The following ATG10 variants were observed in gnomAD, a reference collection of about 807,000 sequenced individuals.
ATG10 encodes autophagy related 10.
A neutral mutation model predicts 32.1 loss-of-function variants in ATG10; 30 were observed. The ratio of observed to expected loss-of-function variants is 0.94; its 90% CI spans 0.70 to 1.27. The LOEUF (loss-of-function observed/expected upper bound fraction) is 1.27, where lower values mean the gene tolerates loss of function less well. ATG10 is among the 50% of genes most tolerant of loss of function. The pLI is 0.00. For missense variants in ATG10, 233 were observed against 262.3 expected (o/e 0.89, Z 0.77); for synonymous variants, 87 against 91.5 (o/e 0.95, Z 0.28).
chr5:82,141,628 A>T (rs1484130815), intron 3 of ATG10, among the ~76,000 whole-genome samples: 2 of 152,164 alleles, frequency 1.3e-5, no homozygotes, highest in Non-Finnish European at 2.9e-5. Flanking sequence ...CAGAGATGCC[A>T]ACAAATATAG....
At chr5:82,241,779 AT>A (rs149323658) in intron 5 of ATG10, among the ~76,000 whole-genome samples, 1,708 of 151,540 alleles carry the variant, frequency 0.011, 21 homozygotes, top group African/African-American at 0.038. Context: ...ATATATTAAA[AT>A]TTTTTTTCTC....
chr5:82,162,852 T>G (rs1050485217), intron 3 of ATG10, among the ~76,000 whole-genome samples: 21 of 143,104 alleles, frequency 1.5e-4, no homozygotes, highest in African/African-American at 5.1e-4. Context: ...GGGGAGGAGG[T>G]GTGTGTGTGT....
At chr5:82,058,394 T>A in intron 2 of ATG10, 101 bp from the exon 3 acceptor site, 1 of 820,004 alleles carries the variant, frequency 1.2e-6, no homozygotes, top group Non-Finnish European at 2.0e-6. Flanking sequence ...ACATTTAGTT[T>A]TTCACTGATC....
At chr5:82,186,672 C>T (rs1744456202) in intron 5 of ATG10, among the ~76,000 whole-genome samples, 1 of 149,270 alleles carries the variant, frequency 6.7e-6, no homozygotes, top group Non-Finnish European at 1.5e-5. Flanking sequence ...CGGCTCACTG[C>T]AACCCTCGCC....
At chr5:82,209,448 C>G (rs1010013487) in intron 5 of ATG10, among the ~76,000 whole-genome samples, 2 of 152,120 alleles carry the variant, frequency 1.3e-5, no homozygotes, top group African/African-American at 4.8e-5. Context: ...AGAGAACTGC[C>G]TGCCTCTTCT....
intron 3 of ATG10, among the ~76,000 whole-genome samples, chr5:82,150,582 G>A (rs1055366232): frequency 3.9e-5 from 6 of 152,216 alleles, no homozygotes; most frequent in Non-Finnish European, 7.3e-5. Context: ...TGAGGGTCCA[G>A]CATTTGGAAG....
At chr5:82,037,357 C>T (rs1184253945) in intron 2 of ATG10, among the ~76,000 whole-genome samples, 2 of 132,462 alleles carry the variant, frequency 1.5e-5, no homozygotes, top group African/African-American at 5.4e-5. Context: ...ACGCCATTCT[C>T]CTGCCTCAGC....
chr5:82,081,350 T>G (rs1164421799), intron 3 of ATG10, among the ~76,000 whole-genome samples: 10 of 152,214 alleles, frequency 6.6e-5, no homozygotes, highest in Non-Finnish European at 1.2e-4. Context: ...TACCCTTTAT[T>G]TCTTTCTCTT....
intron 3 of ATG10, among the ~76,000 whole-genome samples, chr5:82,118,235 G>A (rs1371479680): frequency 2.7e-5 from 4 of 150,204 alleles, no homozygotes; most frequent in Non-Finnish European, 5.9e-5. Flanking sequence ...TTAATTACAC[G>A]TGTAATTATT....
chr5:82,069,223 T>A (rs761924470), intron 3 of ATG10, among the ~76,000 whole-genome samples: 1 of 152,166 alleles, frequency 6.6e-6, no homozygotes, highest in South Asian at 2.1e-4. Flanking sequence ...AATCTCATGA[T>A]ATGAATGGCA....
At chr5:81,972,350 C>T (rs1419658989) in intron 1 of ATG10, 44 bp downstream of exon 1, 3 of 152,568 alleles carry the variant, frequency 2.0e-5, no homozygotes, top group Non-Finnish European at 2.9e-5. Context: ...CCTCCCGGCT[C>T]TGCTTCCCAC....
At chr5:82,046,004 G>A (rs752185323) in intron 2 of ATG10, among the ~76,000 whole-genome samples, 1 of 152,074 alleles carries the variant, frequency 6.6e-6, no homozygotes, top group Non-Finnish European at 1.5e-5. Flanking sequence ...CCTCATTCTT[G>A]GGTAAAGCCC....
chr5:82,019,054 G>C (rs1762367475), intron 2 of ATG10, among the ~76,000 whole-genome samples: 1 of 152,076 alleles, frequency 6.6e-6, no homozygotes, highest in Non-Finnish European at 1.5e-5. Flanking sequence ...ACAAAGTTTT[G>C]TTAAATGAGT....
intron 2 of ATG10, among the ~76,000 whole-genome samples, chr5:81,988,654 G>C (rs922463460): frequency 6.6e-6 from 1 of 151,988 alleles, no homozygotes; most frequent in Non-Finnish European, 1.5e-5. Context: ...GGCTGGTCTT[G>C]AACTACTGAC....
At chr5:82,213,809 C>T (rs1443254147) in intron 5 of ATG10, among the ~76,000 whole-genome samples, 1 of 152,184 alleles carries the variant, frequency 6.6e-6, no homozygotes, top group Non-Finnish European at 1.5e-5. Flanking sequence ...ATTCTCTGCC[C>T]TGGATGATGC....
intron 3 of ATG10, among the ~76,000 whole-genome samples, chr5:82,069,158 A>C (rs1000258097): frequency 1.8e-4 from 27 of 152,320 alleles, no homozygotes; most frequent in African/African-American, 6.3e-4. Context: ...TGGAGGGCTC[A>C]AAAACAATCT....
At chr5:82,199,046 A>G (rs1043214686) in intron 5 of ATG10, among the ~76,000 whole-genome samples, 10 of 152,234 alleles carry the variant, frequency 6.6e-5, no homozygotes, top group African/African-American at 2.2e-4. Context: ...GGAATCTTCA[A>G]TGCAAAATGC....
intron 2 of ATG10, among the ~76,000 whole-genome samples, chr5:82,047,225 C>G (rs1017726042): frequency 6.6e-6 from 1 of 151,902 alleles, no homozygotes; most frequent in Non-Finnish European, 1.5e-5. Flanking sequence ...AGAGCCAAAA[C>G]CAAATTGTTT....
intron 2 of ATG10, among the ~76,000 whole-genome samples, chr5:82,004,081 C>T (rs1400411294): frequency 6.6e-6 from 1 of 151,570 alleles, no homozygotes; most frequent in Non-Finnish European, 1.5e-5. Context: ...TGCAGTGAGC[C>T]GAGATTGTGC....
Sources: gnomAD v4.1 joint callset for allele counts (sites outside exome capture counted in the v4.1 genomes callset) on GRCh38, gnomAD v4.1.1 for gene constraint, MANE v1.5 for transcripts, NCBI Gene and HGNC (gene_info 2026-07-23, HGNC 2026-07-21) for gene names.